VEPH1: variants seen among roughly 807,000 people sequenced by gnomAD.
VEPH1 encodes ventricular zone-expressed PH domain-containing protein homolog 1.
A neutral mutation model predicts 85.2 loss-of-function variants in VEPH1; 80 were observed. The ratio of observed to expected loss-of-function variants is 0.94; its 90% CI spans 0.78 to 1.13. The LOEUF is 1.13. VEPH1 is among the 50% of genes most tolerant of loss of function. The pLI, the probability that VEPH1 is intolerant of heterozygous loss-of-function variation, is 0.00. For missense variants in VEPH1, 955 were observed against 980.5 expected, an observed-to-expected ratio of 0.97 and a Z score of 0.35; for synonymous variants, 297 against 348.0, an observed-to-expected ratio of 0.85 and a Z score of 1.63.
At chr3:157,264,230 GACTT>G (rs1254056792) in intron 13 of VEPH1, among the ~76,000 whole-genome samples, 1 of 152,158 alleles carries the variant, frequency 6.6e-6, no homozygotes, top group East Asian at 1.9e-4. Context: ...CAGACTCTGG[GACTT>G]ACATCCCTCC....
intron 7 of VEPH1, among the ~76,000 whole-genome samples, chr3:157,365,270 C>G (rs1430279148): frequency 6.6e-6 from 1 of 152,146 alleles, no homozygotes; most frequent in African/African-American, 2.4e-5. Context: ...ATTTATCTTC[C>G]CTTATTTATC....
At chr3:157,347,486 C>T (rs1724356214) in intron 9 of VEPH1, among the ~76,000 whole-genome samples, 1 of 151,832 alleles carries the variant, frequency 6.6e-6, no homozygotes, top group African/African-American at 2.4e-5. Context: ...AGCAAGAGGG[C>T]TAGTGAGGGA....
rs780578840 is a variant in VEPH1 at position 157,503,395 on chromosome 3, C to G, written c.-276G>C. ...GCAGCCTTGCAGCTGCTGCCCAGTCCTGTGGGCTGCAGCCGCGTCTCCCTG... is the reference window on the plus strand; with the variant it reads ...GCAGCCTTGCAGCTGCTGCCCAGTCGTGTGGGCTGCAGCCGCGTCTCCCTG... On this transcript the variant is annotated 5_prime_UTR_variant, in exon 1 of 14. Transcript: ENST00000362010. 9 of 152,200 alleles carry G rather than the reference C, an allele frequency of 5.9e-5. No individual in the cohort carries two copies. The highest frequency in any genetic ancestry group is 1.0e-4 in the Non-Finnish European group (7 of 68,046). The allele number at this position is 152,200 out of a possible 1,614,324, so 9.4% of individuals were successfully genotyped here.
intron 9 of VEPH1, among the ~76,000 whole-genome samples, chr3:157,333,303 A>C (rs962647136): frequency 6.6e-6 from 1 of 152,150 alleles, no homozygotes; most frequent in Non-Finnish European, 1.5e-5. Context: ...TGCAGTGCTT[A>C]TCCGATCACA....
chr3:157,269,475 G>A (rs1311788003), intron 12 of VEPH1, among the ~76,000 whole-genome samples: 15 of 152,134 alleles, frequency 9.9e-5, no homozygotes, highest in African/African-American at 3.6e-4. Flanking sequence ...CTGAATGTGA[G>A]GCCCCAAATT....
intron 11 of VEPH1, among the ~76,000 whole-genome samples, chr3:157,312,900 A>AT (rs140277345): frequency 0.17 from 16,244 of 98,076 alleles, 2,459 homozygotes; most frequent in African/African-American, 0.34. Context: ...AAAAAAAAAC[A>AT]TTTTTTTTTT....
intron 2 of VEPH1, among the ~76,000 whole-genome samples, chr3:157,478,196 C>T (rs561555796): frequency 1.5e-4 from 23 of 152,130 alleles, no homozygotes; most frequent in Non-Finnish European, 2.9e-4. Flanking sequence ...GATATGAAGG[C>T]CTGGTCCCTT....
At chr3:157,304,023 T>TTATATATATATATATATATATATA (rs1553761056) in intron 11 of VEPH1, among the ~76,000 whole-genome samples, 6 of 89,122 alleles carry the variant, frequency 6.7e-5, no homozygotes, top group African/African-American at 3.1e-4. Flanking sequence ...CTTATATTTT[T>TTATATATATATATATATATATATA]TATATATATA....
At chr3:157,429,724 C>T (rs756213681) in intron 4 of VEPH1, among the ~76,000 whole-genome samples, 50 of 152,112 alleles carry the variant, frequency 3.3e-4, no homozygotes, top group Non-Finnish European at 6.3e-4. Context: ...TTACTATGAG[C>T]GTCTCCTTAA....
intron 6 of VEPH1, among the ~76,000 whole-genome samples, chr3:157,409,152 G>A (rs1731349269): frequency 6.6e-6 from 1 of 151,986 alleles, no homozygotes; most frequent in Non-Finnish European, 1.5e-5. Context: ...ACTGCTGGAT[G>A]GTTGTTTGGG....
intron 9 of VEPH1, among the ~76,000 whole-genome samples, chr3:157,336,389 C>A (rs1191872257): frequency 6.6e-6 from 1 of 152,172 alleles, no homozygotes; most frequent in African/African-American, 2.4e-5. Flanking sequence ...TCCAATGATG[C>A]TTAGAAGACC....
At chr3:157,275,449 G>A (rs761695795) in intron 12 of VEPH1, among the ~76,000 whole-genome samples, 5 of 151,972 alleles carry the variant, frequency 3.3e-5, no homozygotes, top group South Asian at 2.1e-4. Flanking sequence ...GGTGGCATGC[G>A]CCTGTAGTCC....
rs770380500 is a variant in VEPH1 at position 157,381,279 on chromosome 3, G to A, written c.1004C>T (p.Thr335Ile). The change falls in exon 7 of 14, where the codon ACC becomes ATC. Residue 335 changes from threonine to isoleucine, a missense_variant. Physicochemically the swap from Thr to Ile is moderately conservative, Grantham distance 89. Transcript: ENST00000362010. ...GCCCAAGATTGAGGAGAAGGTGTCG[G>A]TGATGCTTTTAATCTCCAGCAGGAG... ...HILLLEIKSI[T>I]DTFSSILGPQ... 7.4e-6 allele frequency: 12 copies of A among 1,614,130 alleles called. No individual in the cohort carries two copies. In the South Asian group the frequency reaches 1.3e-4, roughly 18 times the overall value.
chr3:157,383,009 A>T (rs1017149781), intron 6 of VEPH1, among the ~76,000 whole-genome samples: 4 of 150,002 alleles, frequency 2.7e-5, no homozygotes, highest in African/African-American at 7.4e-5. Flanking sequence ...TTTTATTTTT[A>T]TTTTTTTTTG....
At chr3:157,285,479 A>G (rs1437457387) in intron 12 of VEPH1, among the ~76,000 whole-genome samples, 6 of 152,204 alleles carry the variant, frequency 3.9e-5, no homozygotes, top group African/African-American at 1.4e-4. Flanking sequence ...ACAATGGGTA[A>G]TCTTTAAGAT....
At chr3:157,313,534 G>T (rs1256430689) in intron 11 of VEPH1, 87 bp downstream of exon 11, 2 of 1,454,872 alleles carry the variant, frequency 1.4e-6, no homozygotes, top group Middle Eastern at 2.1e-4. Context: ...AAAGAAGGAT[G>T]AAATTTAATT....
At chr3:157,468,854 TC>T (rs1736641676) in intron 3 of VEPH1, among the ~76,000 whole-genome samples, 1 of 152,170 alleles carries the variant, frequency 6.6e-6, no homozygotes, top group African/African-American at 2.4e-5. Context: ...ATATTCGTAT[TC>T]TTTTTCTCCC....
intron 2 of VEPH1, among the ~76,000 whole-genome samples, chr3:157,483,054 C>A (rs1341513994): frequency 6.6e-6 from 1 of 151,700 alleles, no homozygotes; most frequent in African/African-American, 2.4e-5. Context: ...CTGTTATAGT[C>A]ATATTCTACA....
intron 4 of VEPH1, among the ~76,000 whole-genome samples, chr3:157,454,468 C>G (rs1385444276): frequency 6.6e-6 from 1 of 152,078 alleles, no homozygotes; most frequent in Non-Finnish European, 1.5e-5. Flanking sequence ...AAGTTAGGAA[C>G]AAAACTTTAG....
Sources: allele counts gnomAD v4.1 joint callset (sites outside exome capture counted in the v4.1 genomes callset), GRCh38; gene constraint gnomAD v4.1.1; transcripts MANE v1.5; gene names NCBI Gene and HGNC (gene_info 2026-07-23, HGNC 2026-07-21).